Variants in SP7 observed in about 807,000 individuals in gnomAD.
SP7 encodes Sp7 transcription factor, also known as transcription factor Sp7.
SP7 carries 13 observed loss-of-function variants against 27.9 expected under a neutral mutation model. That is an observed-to-expected ratio of 0.47 (90% CI 0.30 to 0.74). SP7 has a LOEUF of 0.74. Ranked by LOEUF, SP7 falls within the 30% of genes least tolerant of loss-of-function variation. The pLI, the probability that SP7 is intolerant of heterozygous loss-of-function variation, is 0.06. For synonymous variants in SP7, 219 were observed against 226.7 expected, an observed-to-expected ratio of 0.97 and a Z score of 0.31; for missense variants, 525 against 558.0, an observed-to-expected ratio of 0.94 and a Z score of 0.60.
intron 1 of SP7, among the ~76,000 whole-genome samples, chr12:53,341,440 T>A (rs751501529): frequency 3.8e-4 from 58 of 152,220 alleles, no homozygotes; most frequent in Non-Finnish European, 7.2e-4. Context: ...AGGGGACCTG[T>A]CCTGGATGCC....
At chr12:53,337,698 G>A (rs1327323106), upstream of SP7, among the ~76,000 whole-genome samples, 1 of 152,126 alleles carries the variant, frequency 6.6e-6, no homozygotes, top group Admixed American at 6.5e-5. Flanking sequence ...GGTCCACGGA[G>A]GGTTGCACAG....
chr12:53,336,747 C>CGTGT (rs149454831), upstream of SP7, among the ~76,000 whole-genome samples: 10 of 149,418 alleles, frequency 6.7e-5, no homozygotes, highest in East Asian at 1.9e-4. Context: ...TGTACGTGCC[C>CGTGT]GTGTGTGTGT....
intron 1 of SP7, among the ~76,000 whole-genome samples, chr12:53,342,621 C>T (rs183760106): frequency 1.4e-4 from 21 of 152,176 alleles, no homozygotes; most frequent in Non-Finnish European, 2.6e-4. Context: ...CGAGACTAGC[C>T]TGGCCAAGAT....
chr12:53,341,373 C>G (rs1256784182), intron 1 of SP7, among the ~76,000 whole-genome samples: 1 of 152,078 alleles, frequency 6.6e-6, no homozygotes, highest in Non-Finnish European at 1.5e-5. Flanking sequence ...ATCTGGATGG[C>G]AGGGGACAAA....
chr12:53,335,358 T>C (rs1172511210), intron 2 of SP7, among the ~76,000 whole-genome samples: 1 of 148,422 alleles, frequency 6.7e-6, no homozygotes, highest in Admixed American at 6.7e-5. Context: ...TTAGCTGACC[T>C]TAGGTAGGGG....
chr12:53,329,361 A>G lies in SP7; in HGVS notation c.81T>C (p.Phe27=). ...AGTCCCGCAGAGGGCTAGAGCCACC[A>G]AATTTGCTGCACGCTGCCGTCAGCA... ...LAMLTAACSK[F]GGSSPLRDST... The change falls in exon 3 of 3, where the codon TTT becomes TTC. Residue 27 remains phenylalanine (F), a synonymous_variant. Transcript: ENST00000536324. 6.2e-7 allele frequency: 1 copy of G among 1,613,970 alleles called. No individual in the cohort carries two copies. Among genetic ancestry groups the G allele is most frequent in the Non-Finnish European group, 8.5e-7 (1 of 1,179,878 alleles).
chr12:53,335,144 A>G (rs995626224), intron 2 of SP7, among the ~76,000 whole-genome samples: 1 of 151,970 alleles, frequency 6.6e-6, no homozygotes, highest in Non-Finnish European at 1.5e-5. Flanking sequence ...AAACCAGGCA[A>G]GATCCTGTCT....
chr12:53,334,544 G>A (rs1944744967), intron 2 of SP7, among the ~76,000 whole-genome samples: 1 of 152,190 alleles, frequency 6.6e-6, no homozygotes, highest in Non-Finnish European at 1.5e-5. Flanking sequence ...CTAGGGCACT[G>A]GGAAGAGAGA....
chr12:53,341,940 G>C (rs1321582286), intron 1 of SP7, among the ~76,000 whole-genome samples: 1 of 151,994 alleles, frequency 6.6e-6, no homozygotes, highest in African/African-American at 2.4e-5. Flanking sequence ...GGCGCCTGTA[G>C]TCCCAGCTAC....
rs776230417 is a variant in SP7 at position 53,328,832 on chromosome 12, G to A, written c.610C>T (p.Pro204Ser). ...GCTGGGTAGGGGGCTGGATTAAGGGGAGCAAAGTCAGATGGGTAGGTGGGC... is the reference window on the plus strand; with the variant it reads ...GCTGGGTAGGGGGCTGGATTAAGGGAAGCAAAGTCAGATGGGTAGGTGGGC... ...QLPTYPSDFA[P>S]LNPAPYPAPH... Residue 204 changes from proline to serine, a missense_variant, in exon 3 of 3, where the codon CCC becomes TCC. By Grantham distance (74) the Pro-to-Ser change is moderately conservative. Coordinates refer to ENST00000536324, the MANE Select transcript of SP7 (RefSeq NM_001173467.3). This position sits in a 1 kb window ranked among gnomAD's most constrained non-coding sequence, Gnocchi z 5.1. The A allele has an allele frequency of 4.4e-6, 7 of 1,600,914 alleles. No homozygotes were observed. The South Asian group carries it at 4.5e-5, about 10-fold the overall frequency.
Position 53,328,895 on chromosome 12 carries a change from G to A in SP7, c.547C>T (p.Pro183Ser), listed in dbSNP as rs1276696695. ...AGTGGAGGCTGAGCTGGACCTGTGGGCAGTGTCCCTTGCAGCCCATCACCC... is the reference window on the plus strand; with the variant it reads ...AGTGGAGGCTGAGCTGGACCTGTGGACAGTGTCCCTTGCAGCCCATCACCC... ...GQGDGLQGTL[P>S]TGPAQPPLNP... The change falls in exon 3 of 3, where the codon CCC becomes TCC. Residue 183 changes from proline (P) to serine (S), a missense_variant. By Grantham distance (74) the Pro-to-Ser change is moderately conservative (BLOSUM62 -1). Transcript: ENST00000536324. The surrounding 1 kb of genome is among the most constrained non-coding windows in gnomAD (Gnocchi z 5.1). 3.7e-6 allele frequency: 6 copies of A among 1,611,772 alleles called. No homozygotes were observed. The highest frequency in any genetic ancestry group is 4.2e-6 in the Non-Finnish European group (5 of 1,178,540).
rs1397410258 is a variant in SP7, at chr12:53,329,089, G to A, written c.353C>T (p.Ser118Phe). ...GTAGACACTGGGCAGACAGTCAGAA[G>A]AGCTGTGCCCCTTGGGCACTAGTAG... The part of the protein sequence containing the change: ...PGLLVPKGHS[S>F]SDCLPSVYTS... Residue 118 changes from serine (S) to phenylalanine (F), a missense_variant, in exon 3 of 3, where the codon TCT becomes TTT. Transcript: ENST00000536324. 3 of 1,613,866 alleles carry A rather than the reference G, an allele frequency of 1.9e-6. No homozygotes were observed. Among genetic ancestry groups the A allele is most frequent in the Admixed American group, 3.3e-5 (2 of 60,026 alleles).
At chr12:53,334,285 A>G (rs1343784760) in intron 2 of SP7, among the ~76,000 whole-genome samples, 4 of 151,574 alleles carry the variant, frequency 2.6e-5, no homozygotes, top group African/African-American at 9.7e-5. Context: ...AGCCTTGTGC[A>G]CACACCATTT....
rs545488790 is a variant in SP7 at position 53,342,618 on chromosome 12, AG to A, written c.-34+2495del. ...ATCATAAGGTCAGGAGTTCGAGACT[AG>A]CCTGGCCAAGATGGTGAAACCCCAT... On this transcript the variant is annotated intron_variant, in intron 1 of 1. Transcript: ENST00000547755. Among the ~76,000 whole-genome samples the A allele has an allele frequency of 5.3e-5, 8 of 152,300 alleles. No homozygotes were observed. In the South Asian group the frequency reaches 1.5e-3, roughly 28 times the overall value.
In SP7 at chr12:53,335,622, T is replaced by C. The variant is rs910958148; in HGVS notation, c.21+4A>G. On this transcript the variant is annotated splice_donor_region_variant and intron_variant, in intron 2 of 2. Transcript: ENST00000536324. Reference sequence around the variant, plus strand: ...GTTTCCTGGGGGGAAGAGGGGACAGTTACCTCAAGCAGGGAGGACGCCATC... The same window carrying C: ...GTTTCCTGGGGGGAAGAGGGGACAGCTACCTCAAGCAGGGAGGACGCCATC... The C allele has an allele frequency of 4.6e-6, 7 of 1,519,812 alleles. No individual in the cohort carries two copies. Among genetic ancestry groups the C allele is most frequent in the Non-Finnish European group, 6.2e-6 (7 of 1,122,268 alleles). 94.1% of individuals were successfully genotyped at this position (1,519,812 alleles called of 1,614,324 possible). A position where few individuals can be genotyped will look rare whatever the true frequency, so the allele number is the denominator to read the frequency against.
upstream of SP7, among the ~76,000 whole-genome samples, chr12:53,338,723 G>A (rs1306265171): frequency 6.6e-6 from 1 of 152,136 alleles, no homozygotes; most frequent in East Asian, 1.9e-4. Flanking sequence ...AGAGTCCCAG[G>A]AAGATGTGAG....
At chr12:53,337,101 A>G (rs1944779992), upstream of SP7, among the ~76,000 whole-genome samples, 1 of 152,128 alleles carries the variant, frequency 6.6e-6, no homozygotes, top group Admixed American at 6.6e-5. Context: ...TATTTCCCCC[A>G]AAAAGAAATG....
rs983010045 is a variant in SP7, at chr12:53,328,154, C to T, written c.1288G>A (p.Glu430Lys). 2.2e-5 allele frequency: 36 copies of T among 1,610,616 alleles called. No individual in the cohort carries two copies. The highest frequency in any genetic ancestry group is 3.1e-5 in the Non-Finnish European group (36 of 1,178,928). Residue 430 changes from glutamate (E) to lysine (K), a missense_variant, in exon 3 of 3, where the codon GAG (glutamate) becomes AAG (lysine). By Grantham distance (56) the Glu-to-Lys change is moderately conservative. Transcript: ENST00000536324. This position sits in a 1 kb window ranked among gnomAD's most constrained non-coding sequence, Gnocchi z 5.1. ...GAGACCTTCCACCCGGCTCAGATCT[C>T]CAGCAAGTTGCTCTGCTCAGGGCTG... Reference protein sequence around the residue: ...GGSPEQSNLLEI With the variant: ...GGSPEQSNLLKI
rs144784638 is a variant in SP7, at chr12:53,327,526, C to A, written c.*620G>T. 9 of 153,006 alleles carry A rather than the reference C, an allele frequency of 5.9e-5. No homozygotes were observed. Among genetic ancestry groups the A allele is most frequent in the African/African-American group, 2.2e-4 (9 of 41,578 alleles). 9.5% of individuals were successfully genotyped at this position (153,006 alleles called of 1,614,324 possible). A position where few individuals can be genotyped will look rare whatever the true frequency, so the allele number is the denominator to read the frequency against. On this transcript the variant is annotated 3_prime_UTR_variant, in exon 3 of 3. Coordinates refer to ENST00000536324, the MANE Select transcript of SP7 (RefSeq NM_001173467.3). Reference sequence around the variant, plus strand: ...TCCTGGTACATAGGGGTTAAATATACAGGCCTGGGGGCAGCCTCCCTGACC... The same window carrying A: ...TCCTGGTACATAGGGGTTAAATATAAAGGCCTGGGGGCAGCCTCCCTGACC...
Sources: allele counts gnomAD v4.1 joint callset (sites outside exome capture counted in the v4.1 genomes callset), GRCh38; gene constraint gnomAD v4.1.1; non-coding constraint Gnocchi (gnomAD v3.1); transcripts MANE v1.5; gene names NCBI Gene and HGNC (gene_info 2026-07-23, HGNC 2026-07-21).